IQSEC3: variants seen among roughly 807,000 people sequenced by gnomAD.
The protein encoded by IQSEC3 is IQ motif and Sec7 domain ArfGEF 3, also known as IQ motif and SEC7 domain-containing protein 3.
IQSEC3 carries 50 observed loss-of-function variants against 105.4 expected under a neutral mutation model. That is an observed-to-expected ratio of 0.47 (90% CI 0.38 to 0.60). IQSEC3 has a LOEUF of 0.60. IQSEC3 is among the 20% of genes least tolerant of loss of function. The pLI is 0.00. For missense variants in IQSEC3, 1,415 were observed against 1,630.0 expected, an observed-to-expected ratio of 0.87 and a Z score of 2.27; for synonymous variants, 708 against 746.0, an observed-to-expected ratio of 0.95 and a Z score of 0.83.
chr12:106,188 C>T (rs1023983573), intron 2 of IQSEC3, among the ~76,000 whole-genome samples: 27 of 152,208 alleles, frequency 1.8e-4, no homozygotes, highest in Non-Finnish European at 3.7e-4. Flanking sequence ...GGATCAGAGA[C>T]AACGAATGCC....
chr12:96,382 A>G (rs1864243546), intron 1 of IQSEC3, among the ~76,000 whole-genome samples: 1 of 152,228 alleles, frequency 6.6e-6, no homozygotes, highest in Admixed American at 6.5e-5. Context: ...TTTTCTTATC[A>G]GACTTAAAAA....
At chr12:108,640 G>C (rs1203953905) in intron 2 of IQSEC3, among the ~76,000 whole-genome samples, 1 of 152,214 alleles carries the variant, frequency 6.6e-6, no homozygotes, top group African/African-American at 2.4e-5. Context: ...ACTGACTGGA[G>C]TTCATTTAGG....
At chr12:87,232 A>G (rs182559295) in intron 1 of IQSEC3, among the ~76,000 whole-genome samples, 1 of 152,214 alleles carries the variant, frequency 6.6e-6, no homozygotes, top group African/African-American at 2.4e-5. Flanking sequence ...GCGGCTGTCA[A>G]GCTGGGGATG....
At chr12:140,883 A>C in intron 4 of IQSEC3, 1 of 477,924 alleles carries the variant, frequency 2.1e-6, no homozygotes. Flanking sequence ...AGAGAAGGGT[A>C]CTTCTCCTCC....
intron 1 of IQSEC3, among the ~76,000 whole-genome samples, chr12:79,140 C>G (rs1427907502): frequency 6.6e-6 from 1 of 152,150 alleles, no homozygotes; most frequent in Non-Finnish European, 1.5e-5. Flanking sequence ...TGGGTTACTG[C>G]TCTCCGAGAA....
At chr12:105,187 C>T (rs572988864) in intron 2 of IQSEC3, among the ~76,000 whole-genome samples, 1 of 152,348 alleles carries the variant, frequency 6.6e-6, no homozygotes, top group East Asian at 1.9e-4. Context: ...AAAGCGATGG[C>T]GGCAGGGGAG....
chr12:98,538 C>T (rs782730144), intron 1 of IQSEC3, among the ~76,000 whole-genome samples: 14 of 152,188 alleles, frequency 9.2e-5, no homozygotes, highest in Non-Finnish European at 1.9e-4. Flanking sequence ...CCTCGTATGA[C>T]ACAGCTGGCG....
chr12:93,190 G>A (rs1211235474), intron 1 of IQSEC3, among the ~76,000 whole-genome samples: 1 of 152,230 alleles, frequency 6.6e-6, no homozygotes, highest in Non-Finnish European at 1.5e-5. Context: ...TGATCCACTT[G>A]TGGAGAACTG....
intron 2 of IQSEC3, among the ~76,000 whole-genome samples, chr12:111,022 C>T (rs1359700721): frequency 6.6e-6 from 1 of 152,152 alleles, no homozygotes; most frequent in Non-Finnish European, 1.5e-5. Flanking sequence ...TTCCTCCGAC[C>T]TTCTTGCTGC....
intron 2 of IQSEC3, among the ~76,000 whole-genome samples, chr12:108,260 T>C (rs7296200): frequency 0.28 from 43,131 of 152,182 alleles, 7,177 homozygotes; most frequent in East Asian, 0.75. Context: ...TTTATTAGGC[T>C]CCACTTTGTC....
rs1398283651 is a variant in IQSEC3 at position 165,614 on chromosome 12, T to C, written c.2809+81T>C. ...CTGGGGCGAGTTGAGGGAGAAGGGC[T>C]GGACAGCAGAGTGGGTGGAGGCATG... On this transcript the variant is annotated intron_variant, in intron 10 of 13. Coordinates refer to ENST00000538872, the MANE Select transcript of IQSEC3 (RefSeq NM_001170738.2). 5 of 1,571,238 alleles carry C rather than the reference T, an allele frequency of 3.2e-6. No homozygotes were observed. In the African/African-American group the frequency reaches 5.4e-5, roughly 17 times the overall value.
chr12:118,908 C>T (rs1041068246), intron 2 of IQSEC3, among the ~76,000 whole-genome samples: 1 of 152,198 alleles, frequency 6.6e-6, no homozygotes, highest in Admixed American at 6.5e-5. Flanking sequence ...CGAGTCAGCT[C>T]CCTGGCAGGA....
intron 8 of IQSEC3, among the ~76,000 whole-genome samples, chr12:163,200 GCCCTCCCCTCCCCCTCCACAGAACCGGAC>G (rs1555096875): frequency 5.0e-5 from 3 of 60,272 alleles, no homozygotes; most frequent in Non-Finnish European, 6.3e-5. Context: ...CAGAACCGGA[GCCCTCCCCTCCCCCTCCACAGAACCGGAC>G]CCCTCCCCTC....
At chr12:122,718 G>T (rs1865260089) in intron 2 of IQSEC3, among the ~76,000 whole-genome samples, 1 of 152,164 alleles carries the variant, frequency 6.6e-6, no homozygotes, top group Non-Finnish European at 1.5e-5. Flanking sequence ...GGGAAGCTGG[G>T]GCATTTATGC....
intron 3 of IQSEC3, among the ~76,000 whole-genome samples, chr12:136,744 G>A (rs533402041): frequency 9.2e-5 from 14 of 152,232 alleles, no homozygotes; most frequent in African/African-American, 3.1e-4. Context: ...GGAAACACTC[G>A]CACTTCCCAA....
At chr12:153,001 G>A (rs1555093072) in intron 5 of IQSEC3, among the ~76,000 whole-genome samples, 1 of 152,128 alleles carries the variant, frequency 6.6e-6, no homozygotes, top group Non-Finnish European at 1.5e-5. Flanking sequence ...GAGGATTCCA[G>A]GGCAGCAAAG....
At chr12:95,392 GCCCATGATCTAGT>G (rs1355298709) in intron 1 of IQSEC3, among the ~76,000 whole-genome samples, 1 of 152,110 alleles carries the variant, frequency 6.6e-6, no homozygotes, top group Non-Finnish European at 1.5e-5. Context: ...GATAAACATT[GCCCATGATCTAGT>G]CTGTGAAATG....
chr12:131,148 A>G (rs1555084996), intron 3 of IQSEC3, among the ~76,000 whole-genome samples: 2 of 151,662 alleles, frequency 1.3e-5, no homozygotes, highest in Non-Finnish European at 2.9e-5. Context: ...GCAACCTGAA[A>G]GAAGGGGGCA....
intron 1 of IQSEC3, among the ~76,000 whole-genome samples, chr12:80,522 T>G (rs1555070464): frequency 6.6e-6 from 1 of 152,244 alleles, no homozygotes; most frequent in East Asian, 1.9e-4. Flanking sequence ...TCTTGTGGCT[T>G]AGAAAAGCTT....
Sources: gnomAD v4.1 joint callset for allele counts (sites outside exome capture counted in the v4.1 genomes callset) on GRCh38, gnomAD v4.1.1 for gene constraint, MANE v1.5 for transcripts, NCBI Gene and HGNC (gene_info 2026-07-23, HGNC 2026-07-21) for gene names.